Variants in CHD4 observed in about 807,000 individuals in gnomAD.
CHD4 encodes the protein chromodomain helicase DNA binding protein 4.
A neutral mutation model predicts 235.5 loss-of-function variants in CHD4; 35 were observed. The observed-to-expected ratio is 0.15, with a 90% confidence interval of 0.11 to 0.20. CHD4 has a LOEUF of 0.20. Among genes scored for constraint, CHD4 ranks in the 10% least tolerant of loss-of-function variants. The probability of loss-of-function intolerance (pLI) is 1.00; values close to 1 mark genes in which losing one functional copy is unlikely to be tolerated. For synonymous variants in CHD4, 900 were observed against 850.2 expected (o/e 1.06, Z -1.02); for missense variants, 1,329 against 2,432.3 (o/e 0.55, Z 9.54).
In CHD4 at chr12:6,595,400, T is replaced by C; in HGVS notation, c.2055A>G (p.Pro685=). 2 of 1,614,096 alleles carry C rather than the reference T, an allele frequency of 1.2e-6. No homozygotes were observed. Among genetic ancestry groups the C allele is most frequent in the Non-Finnish European group, 1.7e-6 (2 of 1,179,982 alleles). The change falls in exon 14 of 40, where the codon CCA becomes CCG. Residue 685 remains proline, a synonymous_variant. Transcript: ENST00000544040. ...RELMRGEEGR[P]GKKLKKVKLR... The stretch of plus-strand genomic sequence containing the variant: ...GCTTCACCTTCTTGAGCTTCTTGCC[T>C]GGTCGGCCTTCCTCACCCCTCATTA...
At chr12:6,606,600 G>A (rs541528239) in intron 1 of CHD4, 149 bp from the exon 2 acceptor site, 3 of 419,734 alleles carry the variant, frequency 7.1e-6, no homozygotes, top group South Asian at 4.8e-5. Context: ...CACACTCCTC[G>A]GGGGCAGCCC....
chr12:6,588,469 A>G, intron 22 of CHD4, 47 bp from the exon 23 acceptor site: 1 of 1,600,062 alleles, frequency 6.2e-7, no homozygotes, highest in Non-Finnish European at 8.5e-7. Flanking sequence ...CCTAAATTCC[A>G]ATTCATAAAT....
rs766616340 is a variant in CHD4 at position 6,582,704 on chromosome 12, T to G, written c.4281A>C (p.Ala1427=). 6 of 1,614,032 alleles carry G rather than the reference T, an allele frequency of 3.7e-6. No individual in the cohort carries two copies. Among genetic ancestry groups the G allele is most frequent in the Admixed American group, 1.7e-5 (1 of 59,988 alleles). Residue 1427 remains alanine, a synonymous_variant, in exon 29 of 40, where the codon GCA becomes GCC. Coordinates refer to ENST00000544040, the MANE Select transcript of CHD4 (RefSeq NM_001273.5). ...NARQRKAFLN[A]IMRYGMPPQD... ...GAGGTGGCATACCATATCGCATAAT[T>G]GCATTAAGAAAGGCTTTTCGCTGAC... is the stretch of plus-strand genomic sequence containing the variant.
At chr12:6,592,298 C>T in intron 19 of CHD4, 95 bp downstream of exon 19, 1 of 1,467,232 alleles carries the variant, frequency 6.8e-7, no homozygotes, top group Non-Finnish European at 9.1e-7. Context: ...GCTCCTGTCA[C>T]CAGATGCCTT....
intron 13 of CHD4, 133 bp downstream of exon 13, chr12:6,595,873 G>C: frequency 1.1e-6 from 1 of 947,458 alleles, no homozygotes; most frequent in Non-Finnish European, 1.5e-6. Flanking sequence ...CAGGAGAATC[G>C]TTTGAACCAG....
intron 22 of CHD4, among the ~76,000 whole-genome samples, chr12:6,589,045 C>T (rs1358116692): frequency 6.6e-6 from 1 of 151,918 alleles, no homozygotes; most frequent in Non-Finnish European, 1.5e-5. Context: ...GTCAGGAGTT[C>T]GAGACTAAGC....
Position 6,591,830 on chromosome 12 carries a change from G to A in CHD4, c.3091-5C>T. 6.2e-7 allele frequency: 1 copy of A among 1,613,966 alleles called. No individual in the cohort carries two copies. Among genetic ancestry groups the A allele is most frequent in the Non-Finnish European group, 8.5e-7 (1 of 1,179,974 alleles). On this transcript the variant is annotated splice_region_variant and splice_polypyrimidine_tract_variant and intron_variant, in intron 20 of 39. Transcript: ENST00000544040. ...ATTAGGCATCTTAGGAGCTTCCTGA[G>A]AACAAATGCAAAGAAAAAAGTATTA...
chr12:6,581,476 T>C, intron 31 of CHD4, 88 bp from the exon 32 acceptor site: 1 of 1,519,264 alleles, frequency 6.6e-7, no homozygotes, highest in East Asian at 2.3e-5. Flanking sequence ...CATCTTAAAT[T>C]GTCCTCTCGT....
rs1592281404 is a variant in CHD4 at position 6,600,377 on chromosome 12, G to A, written c.1082C>T (p.Ala361Val). 2 of 1,613,960 alleles carry A rather than the reference G, an allele frequency of 1.2e-6. No individual in the cohort carries two copies. Among genetic ancestry groups the A allele is most frequent in the South Asian group, 2.2e-5 (2 of 91,062 alleles). The change falls in exon 9 of 40, where the codon GCT (alanine) becomes GTT (valine). Residue 361 changes from alanine to valine, a missense_variant. Transcript: ENST00000544040. ...GTGGTCTGTCTCATAACCATCCACAGCAGTCACCTCCTCCTCGCCTGGGCA... is the reference window on the plus strand; with the variant it reads ...GTGGTCTGTCTCATAACCATCCACAACAGTCACCTCCTCCTCGCCTGGGCA... Reference protein sequence around the residue: ...KKKKGEEEVTAVDGYETDHQD... With the variant: ...KKKKGEEEVTVVDGYETDHQD...
chr12:6,578,990 T>C (rs1190407645), intron 33 of CHD4, 73 bp from the exon 34 acceptor site: 9 of 1,390,530 alleles, frequency 6.5e-6, no homozygotes, highest in East Asian at 2.3e-5. Context: ...TATTATCCAA[T>C]TGGATAGACC....
At chr12:6,572,427 GAA>G (rs553252360) in intron 38 of CHD4, among the ~76,000 whole-genome samples, 4 of 97,628 alleles carry the variant, frequency 4.1e-5, no homozygotes, top group Non-Finnish European at 6.4e-5. Context: ...CTCTATCTCA[GAA>G]AAAAAAAAAA....
intron 2 of CHD4, among the ~76,000 whole-genome samples, chr12:6,604,715 C>T (rs1009030042): frequency 7.2e-5 from 11 of 152,062 alleles, no homozygotes; most frequent in Non-Finnish European, 1.2e-4. Context: ...AATGGCAAAC[C>T]GCAAACTTAC....
Position 6,600,223 on chromosome 12 carries a change from T to C in CHD4, c.1236A>G (p.Pro412=), listed in dbSNP as rs764937999. ...ACAATGGCCAGACACTCACGCAGTGTGGGCAGCTCCACTTGCCCTCGGGAG... is the reference window on the plus strand; with the variant it reads ...ACAATGGCCAGACACTCACGCAGTGCGGGCAGCTCCACTTGCCCTCGGGAG... ...EKAPEGKWSC[P]HCEKEGIQWE... Residue 412 remains proline (P), a synonymous_variant, in exon 9 of 40, where the codon CCA becomes CCG. Transcript: ENST00000544040. The C allele has an allele frequency of 6.2e-7, 1 of 1,614,032 alleles. No individual in the cohort carries two copies. The highest frequency in any genetic ancestry group is 8.5e-7 in the Non-Finnish European group (1 of 1,179,958).
At chr12:6,585,808 C>T (rs1223021386) in intron 25 of CHD4, among the ~76,000 whole-genome samples, 12 of 149,856 alleles carry the variant, frequency 8.0e-5, no homozygotes, top group African/African-American at 2.7e-4. Flanking sequence ...AAAACACACA[C>T]ACAAAGAGGC....
chr12:6,598,848 T>C (rs1439867456), intron 10 of CHD4, among the ~76,000 whole-genome samples: 1 of 152,138 alleles, frequency 6.6e-6, no homozygotes, highest in African/African-American at 2.4e-5. Flanking sequence ...TAAAATCTAA[T>C]CCCAGGACTC....
rs780486658 is a variant in CHD4 at position 6,592,713 on chromosome 12, G to A, written c.2757C>T (p.Leu919=). 1 of 1,614,050 alleles carries A rather than the reference G, an allele frequency of 6.2e-7. No individual in the cohort carries two copies. Among genetic ancestry groups the A allele is most frequent in the Non-Finnish European group, 8.5e-7 (1 of 1,179,978 alleles). Residue 919 remains leucine (L), a synonymous_variant, in exon 18 of 40, where the codon CTC becomes CTT. Coordinates refer to ENST00000544040, the MANE Select transcript of CHD4 (RefSeq NM_001273.5). ...LEELFHLLNF[L]TPERFHNLEG... ...ATACTTACTGGAACCTCTCGGGGGT[G>A]AGAAAGTTGAGCAGATGAAACAACT... is the stretch of plus-strand genomic sequence containing the variant.
At position 6,585,957 on chromosome 12, in the gene CHD4, G is replaced by A. The variant is rs543367499; in HGVS notation, c.3879+1427C>T. ...TACTAAAACTATAAAAAAATTAGCCGGGCATGGTGGTGCATACCTGTAATC... is the reference window on the plus strand; with the variant it reads ...TACTAAAACTATAAAAAAATTAGCCAGGCATGGTGGTGCATACCTGTAATC... On this transcript the variant is annotated intron_variant, in intron 25 of 39. Coordinates refer to ENST00000544040, the MANE Select transcript of CHD4 (RefSeq NM_001273.5). Among the ~76,000 whole-genome samples, 48 of 151,888 alleles carry A rather than the reference G, an allele frequency of 3.2e-4. 1 individual carries two copies. In the South Asian group the frequency reaches 8.5e-3, roughly 27 times the overall value.
Position 6,573,066 on chromosome 12 carries a change from CT to C in CHD4, c.5557+7del, listed in dbSNP as rs1382917690. ...GAATCGGCAGGAGGCAGGGGAGCCA[CT>C]GGCTACCTTTGTGCAGGACTGCATT... On this transcript the variant is annotated splice_region_variant and intron_variant, in intron 38 of 39. Transcript: ENST00000544040. The C allele has an allele frequency of 5.0e-6, 8 of 1,593,472 alleles. No homozygotes were observed. Among genetic ancestry groups the C allele is most frequent in the Non-Finnish European group, 6.8e-6 (8 of 1,172,860 alleles).
chr12:6,597,746 C>A (rs1259791931), intron 12 of CHD4, 148 bp downstream of exon 12: 3 of 696,848 alleles, frequency 4.3e-6, no homozygotes, highest in Non-Finnish European at 7.3e-6. Context: ...AGCCTGGGCA[C>A]AGAGTGAGAC....
Sources: gnomAD v4.1 joint callset for allele counts (sites outside exome capture counted in the v4.1 genomes callset) on GRCh38, gnomAD v4.1.1 for gene constraint, MANE v1.5 for transcripts, NCBI Gene and HGNC (gene_info 2026-07-23, HGNC 2026-07-21) for gene names.